CCNC: variants seen among roughly 807,000 people sequenced by gnomAD.
The protein encoded by CCNC is cyclin-C.
A neutral mutation model predicts 50.0 loss-of-function variants in CCNC; 19 were observed. The ratio of observed to expected loss-of-function variants is 0.38; its 90% CI spans 0.27 to 0.56. The LOEUF is 0.56. Ranked by LOEUF, CCNC falls within the 20% of genes least tolerant of loss-of-function variation. CCNC has a pLI of 0.72. For missense variants in CCNC, 200 were observed against 327.1 expected (o/e 0.61, Z 3.00); for synonymous variants, 93 against 103.7 (o/e 0.90, Z 0.63).
chr6:99,564,369 G>A (rs1261902022), intron 1 of CCNC, among the ~76,000 whole-genome samples: 11 of 147,528 alleles, frequency 7.5e-5, no homozygotes, highest in Non-Finnish European at 1.3e-4. Context: ...AAGTTGCACT[G>A]AGTTGAGATC....
rs922796497 is a variant in CCNC at position 99,558,307 on chromosome 6, A to AT, written c.346+189dup. On this transcript the variant is annotated intron_variant, in intron 5 of 11. Transcript: ENST00000520429. ...TTTTAACATTAAAAGTAATATCTTT[A>AT]TATCTTTTTAAAAAAAAACCTTTTA... 41 of 720,314 alleles carry AT rather than the reference A, an allele frequency of 5.7e-5. No homozygotes were observed. The African/African-American group carries it at 7.6e-4, about 13-fold the overall frequency. 44.6% of individuals were successfully genotyped at this position (720,314 alleles called of 1,614,324 possible).
At chr6:99,561,286 C>A in intron 4 of CCNC, 81 bp downstream of exon 4, 1 of 864,726 alleles carries the variant, frequency 1.2e-6, no homozygotes, top group South Asian at 1.4e-5. Flanking sequence ...ATTAATTTTA[C>A]ATAGGCCATG....
chr6:99,565,731 TTA>T (rs564553646), intron 1 of CCNC, among the ~76,000 whole-genome samples: 131 of 152,158 alleles, frequency 8.6e-4, no homozygotes, highest in Non-Finnish European at 1.3e-3. Flanking sequence ...TTGAATTGTA[TTA>T]GTTTTTTAAT....
At chr6:99,551,988 C>G in intron 5 of CCNC, 93 bp from the exon 6 acceptor site, 1 of 790,064 alleles carries the variant, frequency 1.3e-6, no homozygotes, top group South Asian at 2.9e-5. Context: ...GAGGGTAGAG[C>G]AAAATTATTT....
Position 99,561,408 on chromosome 6 carries a change from A to G in CCNC, c.253T>C (p.Leu85=). ...RYSLKSIDPV[L]MAPTCVFLAS... is the part of the protein sequence containing the mutation. ...AAAAACACACATGTAGGAGCCATTA[A>G]TACAGGATCTATACTTTTCAGAGAA... The change falls in exon 4 of 12, where the codon TTA becomes CTA. Residue 85 remains leucine, a synonymous_variant. Coordinates refer to ENST00000520429, the MANE Select transcript of CCNC (RefSeq NM_005190.4). 19 of 1,590,308 alleles carry G rather than the reference A, an allele frequency of 1.2e-5. No homozygotes were observed. The highest frequency in any genetic ancestry group is 1.6e-5 in the Non-Finnish European group (19 of 1,171,136).
intron 10 of CCNC, 102 bp from the exon 11 acceptor site, chr6:99,545,332 T>C (rs370678924): frequency 1.5e-6 from 1 of 652,714 alleles, no homozygotes. Flanking sequence ...CAGTAAATAG[T>C]CTCTGTCCTT....
chr6:99,567,626 C>T (rs1209724980), intron 1 of CCNC, among the ~76,000 whole-genome samples: 1 of 152,164 alleles, frequency 6.6e-6, no homozygotes, highest in Non-Finnish European at 1.5e-5. Flanking sequence ...AAATTACTTA[C>T]TAATGCTTTC....
chr6:99,544,400 A>G (rs1801991673), intron 11 of CCNC: 4 of 763,366 alleles, frequency 5.2e-6, no homozygotes, highest in Admixed American at 6.3e-5. Flanking sequence ...CTATCTTGTT[A>G]TATAACAATC....
rs1801955052 is a variant in CCNC, at chr6:99,543,568, T to C, written c.839A>G (p.Tyr280Cys). The C allele has an allele frequency of 6.2e-7, 1 of 1,613,356 alleles. No individual in the cohort carries two copies. The highest frequency in any genetic ancestry group is 1.1e-5 in the South Asian group (1 of 91,060). The change falls in exon 12 of 12, where the codon TAC (tyrosine) becomes TGC (cysteine). Residue 280 changes from tyrosine to cysteine, a missense_variant. Transcript: ENST00000520429. ...CTTCGGAATGTTTTAAGATTGGCTGTAGCTAGAGTTCTGACTTCCATTTGG... is the reference window on the plus strand; with the variant it reads ...CTTCGGAATGTTTTAAGATTGGCTGCAGCTAGAGTTCTGACTTCCATTTGG... ...QGPNGSQNSS[Y>C]SQS
chr6:99,552,313 A>T (rs1438913865), intron 5 of CCNC, among the ~76,000 whole-genome samples: 1 of 152,194 alleles, frequency 6.6e-6, no homozygotes, highest in African/African-American at 2.4e-5. Context: ...TATTGGGAGG[A>T]TAGTACACCA....
rs769011849 is a variant in CCNC, at chr6:99,546,428, T to C, written c.645A>G (p.Gln215=). 5.6e-6 allele frequency: 9 copies of C among 1,613,566 alleles called. No homozygotes were observed. In the East Asian group the frequency reaches 8.9e-5, roughly 16 times the overall value. Residue 215 remains glutamine (Q), a synonymous_variant, in exon 10 of 12, where the codon CAA becomes CAG. Coordinates refer to ENST00000520429, the MANE Select transcript of CCNC (RefSeq NM_005190.4). ...TATCCACAGAAAGCTCAGCAAACCA[T>C]TGCCTGGCATCTTTCTGCTGTACAA... ...ACVVQQKDAR[Q]WFAELSVDME...
chr6:99,556,378 T>A (rs925386455), intron 5 of CCNC, among the ~76,000 whole-genome samples: 1 of 152,248 alleles, frequency 6.6e-6, no homozygotes, highest in East Asian at 1.9e-4. Flanking sequence ...CTTACCATAA[T>A]GTCCTCAAGG....
chr6:99,543,462 A>C lies in CCNC; in HGVS notation c.*93T>G. The C allele has an allele frequency of 7.5e-7, 1 of 1,341,522 alleles. No individual in the cohort carries two copies. Among genetic ancestry groups the C allele is most frequent in the Non-Finnish European group, 1.1e-6 (1 of 946,808 alleles). 83.1% of individuals were successfully genotyped at this position (1,341,522 alleles called of 1,614,324 possible). ...CCAATATGCTTGACAGAAACAAGCT[A>C]TTCATTTTCATTTGTGTTCCACTGA... On this transcript the variant is annotated 3_prime_UTR_variant, in exon 12 of 12. Transcript: ENST00000520429.
chr6:99,543,315 T>C lies in CCNC; in HGVS notation c.*240A>G, dbSNP rs1014362542. Reference sequence around the variant, plus strand: ...AAAGCTATTAATTTTGAAATGTCTATGTATGTCTGTCTGTAGGTCCCCTTA... The same window carrying C: ...AAAGCTATTAATTTTGAAATGTCTACGTATGTCTGTCTGTAGGTCCCCTTA... On this transcript the variant is annotated 3_prime_UTR_variant, in exon 12 of 12. Transcript: ENST00000520429. 9.8e-6 allele frequency: 4 copies of C among 409,514 alleles called. No individual in the cohort carries two copies. Among genetic ancestry groups the C allele is most frequent in the African/African-American group, 4.1e-5 (2 of 49,342 alleles). The allele number at this position is 409,514 out of a possible 1,614,324, so 25.4% of individuals were successfully genotyped here.
chr6:99,561,513 G>A, intron 3 of CCNC, 77 bp from the exon 4 acceptor site: 1 of 1,335,822 alleles, frequency 7.5e-7, no homozygotes. Context: ...TAACTCTATG[G>A]TAGACACATG....
At chr6:99,561,815 A>T (rs565512782) in intron 2 of CCNC, 134 bp from the exon 3 acceptor site, 68 of 581,940 alleles carry the variant, frequency 1.2e-4, no homozygotes, top group Non-Finnish European at 1.9e-4. Context: ...CACATGCTCT[A>T]TGTGAGTCAC....
intron 10 of CCNC, among the ~76,000 whole-genome samples, chr6:99,545,856 T>A (rs746296854): frequency 6.6e-6 from 1 of 152,164 alleles, no homozygotes; most frequent in Non-Finnish European, 1.5e-5. Flanking sequence ...TTTAAAATAA[T>A]CCTGGGAATG....
intron 4 of CCNC, 62 bp downstream of exon 4, chr6:99,561,304 TG>T: frequency 9.7e-7 from 1 of 1,029,454 alleles, no homozygotes; most frequent in Non-Finnish European, 1.5e-6. Flanking sequence ...ATGTGAAAAC[TG>T]GGGCAGATTA....
intron 1 of CCNC, among the ~76,000 whole-genome samples, chr6:99,566,370 C>T (rs1430515368): frequency 6.6e-6 from 1 of 151,900 alleles, no homozygotes; most frequent in East Asian, 1.9e-4. Context: ...TTTTCTAATA[C>T]ATTCAAGCTT....
Sources: gnomAD v4.1 joint callset for allele counts (sites outside exome capture counted in the v4.1 genomes callset) on GRCh38, gnomAD v4.1.1 for gene constraint, MANE v1.5 for transcripts, NCBI Gene and HGNC (gene_info 2026-07-23, HGNC 2026-07-21) for gene names.